Variants in MOB3B observed in about 807,000 individuals in gnomAD.
MOB3B encodes MOB kinase activator-like 2B.
In MOB3B, 7 loss-of-function variants were observed where a neutral mutation model predicts 18.7. The ratio of observed to expected loss-of-function variants is 0.37; its 90% CI spans 0.21 to 0.70. MOB3B has a LOEUF of 0.70. Among genes scored for constraint, MOB3B ranks in the 30% least tolerant of loss-of-function variants. MOB3B has a pLI of 0.52. For synonymous variants in MOB3B, 111 were observed against 99.9 expected (o/e 1.11, Z -0.66); for missense variants, 253 against 281.3 (o/e 0.90, Z 0.72).
chr9:27,405,945 T>C (rs528160907), intron 2 of MOB3B, among the ~76,000 whole-genome samples: 1 of 152,316 alleles, frequency 6.6e-6, no homozygotes, highest in East Asian at 1.9e-4. Flanking sequence ...AAAAGCCATA[T>C]ATAACATACC....
At chr9:27,447,276 T>C (rs1360813567) in intron 2 of MOB3B, among the ~76,000 whole-genome samples, 1 of 152,130 alleles carries the variant, frequency 6.6e-6, no homozygotes, top group African/African-American at 2.4e-5. Context: ...ATACACCCCT[T>C]AAAGCTTGAC....
intron 2 of MOB3B, among the ~76,000 whole-genome samples, chr9:27,360,792 A>G (rs1278843468): frequency 6.6e-6 from 1 of 152,210 alleles, no homozygotes; most frequent in African/African-American, 2.4e-5. Flanking sequence ...CAACACTGAT[A>G]ATGGCTTTTC....
intron 2 of MOB3B, among the ~76,000 whole-genome samples, chr9:27,446,632 T>G (rs540246530): frequency 2.6e-4 from 40 of 152,330 alleles, no homozygotes; most frequent in African/African-American, 8.7e-4. Flanking sequence ...ATGAGTCTAT[T>G]GTATCACACT....
intron 3 of MOB3B, among the ~76,000 whole-genome samples, chr9:27,355,057 C>G (rs758373544): frequency 6.6e-6 from 1 of 152,160 alleles, no homozygotes; most frequent in East Asian, 1.9e-4. Flanking sequence ...CAAGTTTGCA[C>G]GTTAGTAAAT....
At chr9:27,376,006 T>G (rs2131370711) in intron 2 of MOB3B, among the ~76,000 whole-genome samples, 1 of 152,358 alleles carries the variant, frequency 6.6e-6, no homozygotes, top group South Asian at 2.1e-4. Context: ...CATAATCCCA[T>G]CAAGAAATAA....
chr9:27,511,304 C>G (rs115993942), intron 1 of MOB3B, among the ~76,000 whole-genome samples: 1,730 of 152,118 alleles, frequency 0.011, 37 homozygotes, highest in African/African-American at 0.039. Context: ...AATCAGGCAG[C>G]CTTTAGTTCG....
intron 2 of MOB3B, chr9:27,397,051 A>T (rs1821811022): frequency 1.3e-5 from 2 of 152,186 alleles, no homozygotes; most frequent in African/African-American, 4.8e-5. Flanking sequence ...ATTCCAAGCA[A>T]ATTTTCTTTG....
At chr9:27,374,732 A>G (rs1290299753) in intron 2 of MOB3B, among the ~76,000 whole-genome samples, 11 of 152,186 alleles carry the variant, frequency 7.2e-5, no homozygotes, top group Non-Finnish European at 1.2e-4. Context: ...ACTATAACAC[A>G]AAGACGAATT....
At chr9:27,510,512 T>C (rs2131500693) in intron 1 of MOB3B, among the ~76,000 whole-genome samples, 1 of 152,350 alleles carries the variant, frequency 6.6e-6, no homozygotes, top group South Asian at 2.1e-4. Flanking sequence ...AAGTATGTAG[T>C]CAAATAAGTT....
chr9:27,501,358 C>A (rs554689223), intron 1 of MOB3B, among the ~76,000 whole-genome samples: 2 of 152,178 alleles, frequency 1.3e-5, no homozygotes, highest in Admixed American at 6.5e-5. Context: ...ACTCAAATGC[C>A]CATCAATGAT....
In MOB3B at chr9:27,498,228, T is replaced by C. The variant is rs552011101; in HGVS notation, c.-199+31327A>G. Among the ~76,000 whole-genome samples, 8 of 152,322 alleles carry C rather than the reference T, an allele frequency of 5.3e-5. No homozygotes were observed. In the South Asian group the frequency reaches 1.7e-3, roughly 32 times the overall value. ...CACTATGTTGAAAGCTTGTGCCTCATAGAGTAACAACAGTGCTAAAAGTGC... is the reference window on the plus strand; with the variant it reads ...CACTATGTTGAAAGCTTGTGCCTCACAGAGTAACAACAGTGCTAAAAGTGC... On this transcript the variant is annotated intron_variant, in intron 1 of 3. Transcript: ENST00000262244.
intron 2 of MOB3B, among the ~76,000 whole-genome samples, chr9:27,395,851 G>C (rs554315944): frequency 1.3e-5 from 2 of 152,298 alleles, no homozygotes; most frequent in South Asian, 2.1e-4. Flanking sequence ...CTACACAATG[G>C]AGATAACAAT....
intron 1 of MOB3B, among the ~76,000 whole-genome samples, chr9:27,461,796 G>A (rs1286086956): frequency 6.6e-6 from 1 of 152,182 alleles, no homozygotes; most frequent in African/African-American, 2.4e-5. Context: ...AGCAGCAACA[G>A]CTACAATAGA....
chr9:27,525,558 T>G (rs1431572343), intron 1 of MOB3B, among the ~76,000 whole-genome samples: 1 of 152,174 alleles, frequency 6.6e-6, no homozygotes, highest in East Asian at 1.9e-4. Context: ...AGATCCATAG[T>G]GAAATTGGAT....
chr9:27,342,619 G>A lies in MOB3B; in HGVS notation c.622-12003C>T, dbSNP rs371500000. Among the ~76,000 whole-genome samples, 174 of 152,272 alleles carry A rather than the reference G, an allele frequency of 1.1e-3. 1 individual carries two copies. The East Asian group carries it at 0.02, about 18-fold the overall frequency. ...GTGCCTGGGATTGCAGGCGCGCGCC[G>A]CCACACCTGACTGGTTTTTGCATTT... On this transcript the variant is annotated intron_variant, in intron 3 of 3. Transcript: ENST00000262244.
chr9:27,332,523 G>A (rs1185965515), intron 3 of MOB3B, among the ~76,000 whole-genome samples: 1 of 152,108 alleles, frequency 6.6e-6, no homozygotes, highest in African/African-American at 2.4e-5. Flanking sequence ...GCTTTGGGGT[G>A]GTTATACCAT....
At chr9:27,380,743 C>G (rs911638496) in intron 2 of MOB3B, among the ~76,000 whole-genome samples, 6 of 132,862 alleles carry the variant, frequency 4.5e-5, no homozygotes, top group Non-Finnish European at 9.3e-5. Context: ...TTAAGCTATT[C>G]AAGCTATTTC....
chr9:27,477,265 G>A (rs144111047), intron 1 of MOB3B, among the ~76,000 whole-genome samples: 1 of 152,246 alleles, frequency 6.6e-6, no homozygotes, highest in East Asian at 1.9e-4. Flanking sequence ...TTGGCGTAAT[G>A]CTTCTTGGAG....
chr9:27,528,979 C>G (rs1311694870), intron 1 of MOB3B, among the ~76,000 whole-genome samples: 1 of 152,160 alleles, frequency 6.6e-6, no homozygotes, highest in Non-Finnish European at 1.5e-5. Flanking sequence ...CAAAGTTAAG[C>G]GCGATTTGTA....
Sources: gnomAD v4.1 joint callset for allele counts (sites outside exome capture counted in the v4.1 genomes callset) on GRCh38, gnomAD v4.1.1 for gene constraint, MANE v1.5 for transcripts, NCBI Gene and HGNC (gene_info 2026-07-23, HGNC 2026-07-21) for gene names.